THBS3: variants seen among roughly 807,000 people sequenced by gnomAD.
THBS3 encodes the protein thrombospondin 3, also known as thrombospondin-3.
In THBS3, 78 loss-of-function variants were observed where a neutral mutation model predicts 118.3. That is an observed-to-expected ratio of 0.66 (90% CI 0.55 to 0.80). THBS3 has a LOEUF of 0.80. THBS3 is among the 30% of genes least tolerant of loss of function. The pLI is 0.00. For synonymous variants in THBS3, 427 were observed against 475.3 expected (o/e 0.90, Z 1.32); for missense variants, 1,057 against 1,247.4 (o/e 0.85, Z 2.30).
chr1:155,198,711 T>A, intron 16 of THBS3, 109 bp from the exon 17 acceptor site: 4 of 1,116,028 alleles, frequency 3.6e-6, no homozygotes, highest in Non-Finnish European at 5.1e-6. Context: ...ATCAGACCCC[T>A]GGCAGTCAGC....
In THBS3 at chr1:155,206,452, T is replaced by A; in HGVS notation, c.80-46A>T. 6.4e-7 allele frequency: 1 copy of A among 1,571,510 alleles called. No homozygotes were observed. Among genetic ancestry groups the A allele is most frequent in the Non-Finnish European group, 8.7e-7 (1 of 1,146,866 alleles). ...AAGGTTAGAGAATGGGATCAAATGC[T>A]AAGGTATGCCCTCCCCCGAGCCCAC... On this transcript the variant is annotated intron_variant, in intron 1 of 22. Coordinates refer to ENST00000368378, the MANE Select transcript of THBS3 (RefSeq NM_007112.5). This position sits in a 1 kb window ranked among gnomAD's most constrained non-coding sequence, Gnocchi z 4.2.
chr1:155,195,716 T>C lies in THBS3; in HGVS notation c.*125A>G, dbSNP rs1454195722. Reference sequence around the variant, plus strand: ...GACCACCCCTCTGGGACTGAACTCCTTTTGGGAGCCAGAGAAGGGTCTGTG... The same window carrying C: ...GACCACCCCTCTGGGACTGAACTCCCTTTGGGAGCCAGAGAAGGGTCTGTG... On this transcript the variant is annotated 3_prime_UTR_variant, in exon 23 of 23. Coordinates refer to ENST00000368378, the MANE Select transcript of THBS3 (RefSeq NM_007112.5). 3.7e-5 allele frequency: 40 copies of C among 1,087,196 alleles called. No homozygotes were observed. In the East Asian group the frequency reaches 9.5e-4, roughly 26 times the overall value. The allele number at this position is 1,087,196 out of a possible 1,614,324, so 67.3% of individuals were successfully genotyped here.
At chr1:155,201,691 C>G in intron 10 of THBS3, 122 bp from the exon 11 acceptor site, 7 of 1,155,108 alleles carry the variant, frequency 6.1e-6, no homozygotes, top group Non-Finnish European at 8.6e-6. Flanking sequence ...ATCAGTATCT[C>G]CTTTAGGTTA....
intron 1 of THBS3, among the ~76,000 whole-genome samples, chr1:155,207,100 C>T (rs1312731590): frequency 2.6e-5 from 4 of 152,172 alleles, no homozygotes; most frequent in African/African-American, 9.7e-5. Context: ...GGCAGCTTCT[C>T]TTTCCACTCC....
rs1456818221 is a variant in THBS3 at position 155,207,896 on chromosome 1, A to G, written c.-20T>C. 1 of 1,604,572 alleles carries G rather than the reference A, an allele frequency of 6.2e-7. No individual in the cohort carries two copies. Among genetic ancestry groups the G allele is most frequent in the South Asian group, 1.1e-5 (1 of 90,940 alleles). On this transcript the variant is annotated 5_prime_UTR_variant, in exon 1 of 23. Transcript: ENST00000368378. ...CTCCATGCCTCTCAGCCGGCTCACT[A>G]CCCCTGGCAGGCAGGCAGCTGGGAG...
intron 5 of THBS3, 53 bp from the exon 6 acceptor site, chr1:155,203,358 C>T: frequency 6.2e-7 from 1 of 1,602,840 alleles, no homozygotes; most frequent in South Asian, 1.1e-5. Flanking sequence ...AGTCCTGGGC[C>T]CTCCATGGGC....
At chr1:155,207,969 GA>G, upstream of THBS3, 1 of 748,652 alleles carries the variant, frequency 1.3e-6, no homozygotes, top group South Asian at 1.5e-5. Flanking sequence ...CGGAGGGACA[GA>G]ATTGGAGGGG....
intron 4 of THBS3, among the ~76,000 whole-genome samples, chr1:155,203,971 G>T (rs1330601105): frequency 6.6e-6 from 1 of 151,950 alleles, no homozygotes; most frequent in African/African-American, 2.4e-5. Context: ...CCAAGTAGCT[G>T]GGACTACAGG....
rs192719744 is a variant in THBS3 at position 155,198,878 on chromosome 1, G to A, written c.1881-276C>T. 1.7e-4 allele frequency: 60 copies of A among 357,214 alleles called. No homozygotes were observed. The East Asian group carries it at 2.8e-3, about 17-fold the overall frequency. 22.1% of individuals were successfully genotyped at this position (357,214 alleles called of 1,614,324 possible). A position where few individuals can be genotyped will look rare whatever the true frequency, so the allele number is the denominator to read the frequency against. ...CTCATGCCTGTATTCCCAGTACTTT[G>A]GGAGGCCAAGGCGGGCAGATCACCT... On this transcript the variant is annotated intron_variant, in intron 16 of 22. Coordinates refer to ENST00000368378, the MANE Select transcript of THBS3 (RefSeq NM_007112.5).
At chr1:155,200,301 A>G (rs988122351) in intron 14 of THBS3, 150 bp downstream of exon 14, 1 of 1,071,802 alleles carries the variant, frequency 9.3e-7, no homozygotes, top group Non-Finnish European at 1.4e-6. Flanking sequence ...TCCTATTGAC[A>G]TCTGCTGCAG....
upstream of THBS3, chr1:155,208,717 C>A (rs1670891163): frequency 2.2e-6 from 3 of 1,360,724 alleles, no homozygotes; most frequent in African/African-American, 3.0e-5. Flanking sequence ...GCCCGGCCTC[C>A]GCTCCGGCCG....
At chr1:155,196,940 C>T (rs1353193951) in intron 21 of THBS3, 101 bp downstream of exon 21, 48 of 1,169,160 alleles carry the variant, frequency 4.1e-5, no homozygotes, top group Non-Finnish European at 5.6e-5. Context: ...AGAGAAGTGG[C>T]TGCAGTTCCC....
In THBS3 at chr1:155,206,429, G is replaced by C. The variant is rs1302213848; in HGVS notation, c.80-23C>G. 5.0e-6 allele frequency: 8 copies of C among 1,610,606 alleles called. No individual in the cohort carries two copies. Among genetic ancestry groups the C allele is most frequent in the Non-Finnish European group, 6.8e-6 (8 of 1,177,592 alleles). On this transcript the variant is annotated intron_variant, in intron 1 of 22. Coordinates refer to ENST00000368378, the MANE Select transcript of THBS3 (RefSeq NM_007112.5). This position sits in a 1 kb window ranked among gnomAD's most constrained non-coding sequence, Gnocchi z 4.2. Reference sequence around the variant, plus strand: ...TTACTGGTCAGGCAGGGGTTATCAAGGTTAGAGAATGGGATCAAATGCTAA... The same window carrying C: ...TTACTGGTCAGGCAGGGGTTATCAACGTTAGAGAATGGGATCAAATGCTAA...
At position 155,196,062 on chromosome 1, in the gene THBS3, G is replaced by C; in HGVS notation, c.2737C>G (p.Arg913Gly). The C allele has an allele frequency of 6.2e-7, 1 of 1,614,126 alleles. No homozygotes were observed. The highest frequency in any genetic ancestry group is 8.5e-7 in the Non-Finnish European group (1 of 1,180,020). ...DSGVIIDTSM[R>G]GGRLGVFCFS... is the part of the protein sequence containing the mutation. ...CAGAATACACCAAGACGCCCCCCTC[G>C]CATGGATGTGTCAATGATCACCCCA... The change falls in exon 22 of 23, where the codon CGA becomes GGA. Residue 913 changes from arginine to glycine, a missense_variant. Transcript: ENST00000368378.
upstream of THBS3, chr1:155,208,991 T>A (rs760077): frequency 0.38 from 614,786 of 1,599,114 alleles, 121,197 homozygotes; most frequent in Middle Eastern, 0.49. Context: ...GCGCCGTGAC[T>A]CTCCGAGGCG....
In THBS3 at chr1:155,200,045, C is replaced by T. The variant is rs779917502; in HGVS notation, c.1777G>A (p.Gly593Arg). The change falls in exon 15 of 23, where the codon GGG becomes AGG. Residue 593 changes from glycine (G) to arginine (R), a missense_variant. By Grantham distance (125) the Gly-to-Arg change is moderately radical. This residue lies in a region of THBS3 where 544 missense variants were observed against 715.6 expected (regional missense o/e 0.76). Transcript: ENST00000368378. ...NPLQTDRDED[G>R]VGDACDSCPE... is the part of the protein sequence containing the mutation. ...CAGCTGTCGCAAGCATCTCCCACCC[C>T]GTCCTCATCCCTGTCTGTCTGTAGT... The T allele has an allele frequency of 7.5e-6, 12 of 1,603,710 alleles. No homozygotes were observed. The Admixed American group carries it at 1.0e-4, about 14-fold the overall frequency.
At chr1:155,203,708 CCTT>C (rs1306051404) in intron 4 of THBS3, among the ~76,000 whole-genome samples, 169 bp from the exon 5 acceptor site, 1 of 152,200 alleles carries the variant, frequency 6.6e-6, no homozygotes, top group Non-Finnish European at 1.5e-5. Context: ...AGTGCCAGCT[CCTT>C]CTATGGGGCA....
At position 155,197,630 on chromosome 1, in the gene THBS3, C is replaced by T. The variant is rs532615077; in HGVS notation, c.2332G>A (p.Glu778Lys). 1 of 960,726 alleles carries T rather than the reference C, an allele frequency of 1.0e-6. No individual in the cohort carries two copies. The highest frequency in any genetic ancestry group is 1.8e-5 in the African/African-American group (1 of 56,450). The allele number at this position is 960,726 out of a possible 1,614,324, so 59.5% of individuals were successfully genotyped here. A position where few individuals can be genotyped will look rare whatever the true frequency, so the allele number is the denominator to read the frequency against. ...GYTAFNGVDF[E>K]GTFHVNTVTD... is the part of the protein sequence containing the mutation. The stretch of plus-strand genomic sequence containing the variant: ...ACTGTGTTCACATGGAAGGTGCCTT[C>T]AAAGTCCACACCATTGAAGGCCGTG... Residue 778 changes from glutamate to lysine, a missense_variant, in exon 20 of 23, where the codon GAA (glutamate) becomes AAA (lysine). Transcript: ENST00000368378. This position sits in a 1 kb window ranked among gnomAD's most constrained non-coding sequence, Gnocchi z 5.0.
chr1:155,200,308 G>T (rs1669501137), intron 14 of THBS3, 143 bp downstream of exon 14: 4 of 1,098,432 alleles, frequency 3.6e-6, no homozygotes, highest in African/African-American at 1.6e-5. Flanking sequence ...GACATCTGCT[G>T]CAGGTAATCT....
Sources: allele counts gnomAD v4.1 joint callset (sites outside exome capture counted in the v4.1 genomes callset), GRCh38; gene constraint gnomAD v4.1.1; regional missense constraint gnomAD v4.1.1; non-coding constraint Gnocchi (gnomAD v3.1); transcripts MANE v1.5; gene names NCBI Gene and HGNC (gene_info 2026-07-23, HGNC 2026-07-21).